ARID1B: variants seen among roughly 807,000 people sequenced by gnomAD.
The protein encoded by ARID1B is AT-rich interactive domain-containing protein 1B.
A neutral mutation model predicts 212.3 loss-of-function variants in ARID1B; 30 were observed. The ratio of observed to expected loss-of-function variants is 0.14; its 90% confidence interval spans 0.11 to 0.19. ARID1B has a LOEUF of 0.19. Among genes scored for constraint, ARID1B ranks in the 10% least tolerant of loss-of-function variants. ARID1B has a pLI of 1.00. For synonymous variants in ARID1B, 1,402 were observed against 1,301.7 expected (o/e 1.08, Z -1.66); for missense variants, 2,891 against 3,204.0 (o/e 0.90, Z 2.36).
intron 3 of ARID1B, among the ~76,000 whole-genome samples, chr6:156,925,909 A>G (rs1791181431): frequency 6.6e-6 from 1 of 152,228 alleles, no homozygotes; most frequent in Non-Finnish European, 1.5e-5. Flanking sequence ...GAGTGAAGGC[A>G]CATGTGATGC....
At chr6:157,009,634 CA>C (rs1440836768) in intron 4 of ARID1B, among the ~76,000 whole-genome samples, 6 of 152,162 alleles carry the variant, frequency 3.9e-5, no homozygotes, top group African/African-American at 1.4e-4. Context: ...TAATATGACG[CA>C]AAATGCTCAT....
At chr6:156,871,716 G>A in intron 2 of ARID1B, 3 of 1,560,690 alleles carry the variant, frequency 1.9e-6, no homozygotes, top group Non-Finnish European at 2.6e-6. Context: ...GACAGTGGGG[G>A]CAGCTGGCAC....
intron 4 of ARID1B, among the ~76,000 whole-genome samples, chr6:157,050,277 G>A (rs766181236): frequency 6.6e-6 from 1 of 152,202 alleles, no homozygotes; most frequent in Non-Finnish European, 1.5e-5. Context: ...TGGGCATGGT[G>A]GCTCACTCCT....
At chr6:156,933,994 G>A (rs376055997) in intron 3 of ARID1B, among the ~76,000 whole-genome samples, 23 of 152,300 alleles carry the variant, frequency 1.5e-4, no homozygotes, top group African/African-American at 5.5e-4. Context: ...GTGCAAGAAA[G>A]GGGTGGGACA....
At chr6:157,158,714 C>T (rs1213513588) in intron 8 of ARID1B, among the ~76,000 whole-genome samples, 1 of 152,164 alleles carries the variant, frequency 6.6e-6, no homozygotes, top group African/African-American at 2.4e-5. Flanking sequence ...AGTTCACTCC[C>T]CTTTATACCT....
At chr6:157,096,935 G>A (rs998606433) in intron 5 of ARID1B, among the ~76,000 whole-genome samples, 1 of 152,248 alleles carries the variant, frequency 6.6e-6, no homozygotes, top group South Asian at 2.1e-4. Context: ...AAGGTAAGCA[G>A]GTGCTGGTTT....
At chr6:156,970,761 A>G (rs1476915226) in intron 4 of ARID1B, among the ~76,000 whole-genome samples, 2 of 152,228 alleles carry the variant, frequency 1.3e-5, no homozygotes, top group Non-Finnish European at 2.9e-5. Flanking sequence ...GGGCTGGAGC[A>G]GGTGACTGCC....
At chr6:156,999,194 C>T (rs1026217543) in intron 4 of ARID1B, among the ~76,000 whole-genome samples, 44 of 152,162 alleles carry the variant, frequency 2.9e-4, no homozygotes, top group Non-Finnish European at 2.6e-4. Flanking sequence ...TAGGAATTTA[C>T]TGTAATGGTC....
intron 5 of ARID1B, among the ~76,000 whole-genome samples, chr6:157,099,046 T>G (rs1382892544): frequency 3.3e-5 from 5 of 152,260 alleles, no homozygotes; most frequent in Admixed American, 3.3e-4. Flanking sequence ...TCGCTGCAGC[T>G]TCCGCCTCTC....
chr6:156,898,585 T>C (rs1788675740), intron 2 of ARID1B, among the ~76,000 whole-genome samples: 1 of 152,246 alleles, frequency 6.6e-6, no homozygotes, highest in African/African-American at 2.4e-5. Flanking sequence ...TTCATAATAC[T>C]ATTCAGTTTC....
rs751228778 is a variant in ARID1B, at chr6:157,110,598, CT to C, written c.2581+40del. On this transcript the variant is annotated intron_variant, in intron 6 of 19. Transcript: ENST00000636930. The stretch of plus-strand genomic sequence containing the variant: ...GTTCATGTCTTACATGCCTATAGTG[CT>C]TTCAGGCGATAAGGCGTACGTGAGT... 5 of 1,594,674 alleles carry C rather than the reference CT, an allele frequency of 3.1e-6. No individual in the cohort carries two copies. The Admixed American group carries it at 6.7e-5, about 21-fold the overall frequency.
chr6:156,914,596 CT>C (rs1790196072), intron 3 of ARID1B, among the ~76,000 whole-genome samples: 1 of 152,154 alleles, frequency 6.6e-6, no homozygotes, highest in African/African-American at 2.4e-5. Flanking sequence ...TGTATGATTT[CT>C]TTTACTTTCA....
intron 2 of ARID1B, among the ~76,000 whole-genome samples, chr6:156,847,340 G>A (rs1247283486): frequency 2.0e-5 from 3 of 152,178 alleles, no homozygotes; most frequent in African/African-American, 4.8e-5. Flanking sequence ...GCCATGTAAG[G>A]GTGGGGTGGC....
chr6:156,976,732 C>A (rs1777274208), intron 4 of ARID1B: 2 of 467,420 alleles, frequency 4.3e-6, no homozygotes, highest in East Asian at 1.2e-4. Flanking sequence ...TAAGCTGTAA[C>A]ACTCACCGTG....
At chr6:156,779,731 TC>T (rs541066146) in intron 1 of ARID1B, 17 of 149,952 alleles carry the variant, frequency 1.1e-4, no homozygotes, top group East Asian at 2.0e-4. Context: ...CGCACCCGCG[TC>T]CCCCCCCTCC....
chr6:156,787,753 A>T (rs1282935405), intron 1 of ARID1B, among the ~76,000 whole-genome samples: 1 of 152,060 alleles, frequency 6.6e-6, no homozygotes, highest in East Asian at 1.9e-4. Flanking sequence ...GCTGTGTATT[A>T]GTTTATTTTG....
rs145246168 is a variant in ARID1B, at chr6:156,990,242, T to G, written c.2247+54666T>G. ...AAGCTGGAGTGCAGTGGCAGCATCA[T>G]AGCTCACTGCAGCCTGGAACTCCCG... On this transcript the variant is annotated intron_variant, in intron 4 of 19. Transcript: ENST00000636930. Among the ~76,000 whole-genome samples, 437 of 150,248 alleles carry G rather than the reference T, an allele frequency of 2.9e-3. 1 individual carries two copies. Among genetic ancestry groups the G allele is most frequent in the African/African-American group, 1.0e-2 (409 of 40,918 alleles).
intron 4 of ARID1B, among the ~76,000 whole-genome samples, chr6:157,010,278 G>GTTTTTTTTTTTTTTTT (rs367851681): frequency 4.9e-5 from 5 of 102,290 alleles, no homozygotes; most frequent in African/African-American, 1.6e-4. Context: ...TGCATTGCCT[G>GTTTTTTTTTTTTTTTT]TTTTTTTTTT....
At chr6:157,139,608 C>G (rs1021264075) in intron 7 of ARID1B, among the ~76,000 whole-genome samples, 1 of 152,064 alleles carries the variant, frequency 6.6e-6, no homozygotes, top group African/African-American at 2.4e-5. Context: ...TGGTTAGACG[C>G]ATTCGGTTCT....
Sources: allele counts gnomAD v4.1 joint callset (sites outside exome capture counted in the v4.1 genomes callset), GRCh38; gene constraint gnomAD v4.1.1; transcripts MANE v1.5; gene names NCBI Gene and HGNC (gene_info 2026-07-23, HGNC 2026-07-21).